Variants in GABARAPL1 observed in about 807,000 individuals in gnomAD.
The protein encoded by GABARAPL1 is gamma-aminobutyric acid receptor-associated protein-like 1.
GABARAPL1 carries 4 observed loss-of-function variants against 14.5 expected under a neutral mutation model. The observed-to-expected ratio is 0.28, with a 90% confidence interval of 0.14 to 0.63. The LOEUF (loss-of-function observed/expected upper bound fraction) is 0.63, where lower values mean the gene tolerates loss of function less well. GABARAPL1 is among the 30% of genes least tolerant of loss of function. GABARAPL1 has a pLI of 0.84. For missense variants in GABARAPL1, 82 were observed against 139.2 expected, an observed-to-expected ratio of 0.59 and a Z score of 2.07; for synonymous variants, 47 against 50.6, an observed-to-expected ratio of 0.93 and a Z score of 0.30.
chr12:10,213,171 GA>G lies in GABARAPL1; in HGVS notation c.47del (p.Lys16ArgfsTer16). ...AGGAGGACCATCCCTTTGAGTATCG[GA>G]AAAAGGAAGGAGAAAAGATCCGGAA... ...YKEDHPFEYR[K>X]KEGEKIRKKY... On this transcript the variant is annotated frameshift_variant, in exon 1 of 4. Transcript: ENST00000266458. LOFTEE classifies it high-confidence loss of function. 3.2e-6 allele frequency: 5 copies of G among 1,584,590 alleles called. No individual in the cohort carries two copies. The highest frequency in any genetic ancestry group is 1.8e-5 in the Admixed American group (1 of 54,894).
intron 1 of GABARAPL1, chr12:10,213,795 C>T: frequency 2.2e-6 from 1 of 455,102 alleles, no homozygotes; most frequent in Non-Finnish European, 4.4e-6. Flanking sequence ...AAAACAAGGT[C>T]ACGTTCTCTG....
intron 2 of GABARAPL1, among the ~76,000 whole-genome samples, chr12:10,219,765 C>T (rs1035620103): frequency 6.6e-6 from 1 of 151,844 alleles, no homozygotes; most frequent in South Asian, 2.1e-4. Context: ...TTCGCCATTG[C>T]GCTTTCAGCC....
At chr12:10,221,402 G>A (rs1592006640) in intron 3 of GABARAPL1, 8 of 966,162 alleles carry the variant, frequency 8.3e-6, no homozygotes, top group African/African-American at 1.8e-5. Context: ...ATTGTGCTCC[G>A]TTAATGAATT....
At chr12:10,214,009 A>T (rs561196381) in intron 1 of GABARAPL1, 3 of 361,346 alleles carry the variant, frequency 8.3e-6, no homozygotes, top group South Asian at 5.8e-5. Context: ...GGTATCTTTC[A>T]GCATCCGGGC....
chr12:10,213,070 A>G lies in GABARAPL1; in HGVS notation c.-60A>G. 2 of 978,304 alleles carry G rather than the reference A, an allele frequency of 2.0e-6. No individual in the cohort carries two copies. Among genetic ancestry groups the G allele is most frequent in the Non-Finnish European group, 3.2e-6 (2 of 627,426 alleles). The allele number at this position is 978,304 out of a possible 1,614,324, so 60.6% of individuals were successfully genotyped here. A position where few individuals can be genotyped will look rare whatever the true frequency, so the allele number is the denominator to read the frequency against. On this transcript the variant is annotated 5_prime_UTR_variant, in exon 1 of 4. Coordinates refer to ENST00000266458, the MANE Select transcript of GABARAPL1 (RefSeq NM_031412.4). The stretch of plus-strand genomic sequence containing the variant: ...TTGACGTCGGCTGAGGGAGCGGGAC[A>G]GGGTCAGCGGCGAAGGAGGCAGGCC...
chr12:10,223,120 C>A lies in GABARAPL1; in HGVS notation c.*1268C>A, dbSNP rs1418043829. On this transcript the variant is annotated 3_prime_UTR_variant, in exon 4 of 4. Transcript: ENST00000266458. ...GCCAAGGAAATAAAATAATTGCTTACCTTAAAAATCCACTGAGTTCAGCAA... is the reference window on the plus strand; with the variant it reads ...GCCAAGGAAATAAAATAATTGCTTAACTTAAAAATCCACTGAGTTCAGCAA... 1 of 152,380 alleles carries A rather than the reference C, an allele frequency of 6.6e-6. No individual in the cohort carries two copies. Among genetic ancestry groups the A allele is most frequent in the Admixed American group, 6.6e-5 (1 of 15,260 alleles). The allele number at this position is 152,380 out of a possible 1,614,324, so 9.4% of individuals were successfully genotyped here.
intron 2 of GABARAPL1, among the ~76,000 whole-genome samples, chr12:10,219,726 G>A (rs1011854283): frequency 9.2e-5 from 14 of 152,068 alleles, no homozygotes; most frequent in African/African-American, 3.4e-4. Context: ...CTTGAACCTG[G>A]GGAGGTGGAG....
chr12:10,217,060 C>T (rs973469128), intron 1 of GABARAPL1, among the ~76,000 whole-genome samples: 11 of 151,984 alleles, frequency 7.2e-5, no homozygotes, highest in African/African-American at 2.7e-4. Context: ...GATTTTATAA[C>T]AGATATTTTC....
At chr12:10,216,836 G>A (rs971927031) in intron 1 of GABARAPL1, among the ~76,000 whole-genome samples, 11 of 151,910 alleles carry the variant, frequency 7.2e-5, no homozygotes, top group Admixed American at 4.6e-4. Flanking sequence ...CATTGCGCCC[G>A]GCAATGATTA....
At position 10,220,569 on chromosome 12, in the gene GABARAPL1, T is replaced by C. The variant is rs772938866; in HGVS notation, c.288+11T>C. 6.2e-7 allele frequency: 1 copy of C among 1,614,130 alleles called. No homozygotes were observed. The highest frequency in any genetic ancestry group is 1.7e-4 in the Middle Eastern group (1 of 6,048). The stretch of plus-strand genomic sequence containing the variant: ...GGCCAACTGTATGAGGTAATGGTTC[T>C]GGTTGCACAATACTGGATGCCGTCC... On this transcript the variant is annotated intron_variant, in intron 3 of 3. Transcript: ENST00000266458.
At chr12:10,213,920 G>A (rs759047838) in intron 1 of GABARAPL1, 1 of 454,740 alleles carries the variant, frequency 2.2e-6, no homozygotes, top group Admixed American at 2.4e-5. Context: ...GCAGGACTGA[G>A]ACGTTTTTTC....
chr12:10,218,280 A>G, intron 2 of GABARAPL1, 139 bp downstream of exon 2: 1 of 686,168 alleles, frequency 1.5e-6, no homozygotes, highest in Non-Finnish European at 2.7e-6. Context: ...TATCTGATTA[A>G]AAAATGACTC....
At chr12:10,219,226 G>A (rs1342345840) in intron 2 of GABARAPL1, among the ~76,000 whole-genome samples, 1 of 151,808 alleles carries the variant, frequency 6.6e-6, no homozygotes, top group African/African-American at 2.4e-5. Context: ...GGCCAAGGCT[G>A]GAGAATGGCT....
chr12:10,217,202 CTATA>C (rs1949095488), intron 1 of GABARAPL1, among the ~76,000 whole-genome samples: 1 of 152,142 alleles, frequency 6.6e-6, no homozygotes, highest in Admixed American at 6.5e-5. Context: ...TAATCAATAT[CTATA>C]AATGGCTTGT....
chr12:10,218,038 T>G (rs1244661528), intron 1 of GABARAPL1, 25 bp from the exon 2 acceptor site: 17 of 1,444,150 alleles, frequency 1.2e-5, no homozygotes, highest in Non-Finnish European at 1.6e-5. Context: ...TAGTTTTCAT[T>G]CCTACTCTCC....
chr12:10,216,542 T>TC (rs1565436762), intron 1 of GABARAPL1, among the ~76,000 whole-genome samples: 2 of 148,834 alleles, frequency 1.3e-5, no homozygotes, highest in African/African-American at 4.9e-5. Flanking sequence ...CTTTTCTTTT[T>TC]TTTTTTTTTT....
chr12:10,222,217 G>C lies in GABARAPL1; in HGVS notation c.*365G>C. 1 of 238,006 alleles carries C rather than the reference G, an allele frequency of 4.2e-6. No homozygotes were observed. The highest frequency in any genetic ancestry group is 6.9e-5 in the South Asian group (1 of 14,510). 14.7% of individuals were successfully genotyped at this position (238,006 alleles called of 1,614,324 possible). A position where few individuals can be genotyped will look rare whatever the true frequency, so the allele number is the denominator to read the frequency against. Reference sequence around the variant, plus strand: ...TGGCAGTCCAGCAGCAACTCCCTGTGCTCCCTTCTCTTTGGGCAGAGATTC... The same window carrying C: ...TGGCAGTCCAGCAGCAACTCCCTGTCCTCCCTTCTCTTTGGGCAGAGATTC... On this transcript the variant is annotated 3_prime_UTR_variant, in exon 4 of 4. Transcript: ENST00000266458.
At chr12:10,220,877 C>T (rs1435486548) in intron 3 of GABARAPL1, 2 of 1,410,024 alleles carry the variant, frequency 1.4e-6, no homozygotes, top group Non-Finnish European at 1.8e-6. Flanking sequence ...AAAGCGTCAG[C>T]CCATCGCAGT....
At chr12:10,213,492 A>C in intron 1 of GABARAPL1, 2 of 441,384 alleles carry the variant, frequency 4.5e-6, no homozygotes, top group Middle Eastern at 6.9e-4. Flanking sequence ...CAACCCACAC[A>C]CGGTCTCAGC....
Sources: gnomAD v4.1 joint callset for allele counts (sites outside exome capture counted in the v4.1 genomes callset) on GRCh38, gnomAD v4.1.1 for gene constraint, MANE v1.5 for transcripts, NCBI Gene and HGNC (gene_info 2026-07-23, HGNC 2026-07-21) for gene names.